The following SULT6B1 variants were observed in gnomAD, a reference collection of about 807,000 sequenced individuals.
SULT6B1 encodes the protein sulfotransferase family 6B member 1, also known as sulfotransferase 6B1.
In SULT6B1, 44 loss-of-function variants were observed where a neutral mutation model predicts 37.2. The observed-to-expected ratio is 1.18, with a 90% confidence interval of 0.93 to 1.52. The LOEUF (loss-of-function observed/expected upper bound fraction) is 1.52. Among genes scored for constraint, SULT6B1 ranks in the 40% most tolerant of loss-of-function variants. The pLI is 0.00. For missense variants in SULT6B1, 450 were observed against 361.0 expected (o/e 1.25, Z -2.00); for synonymous variants, 140 against 126.0 (o/e 1.11, Z -0.74).
intron 2 of SULT6B1, among the ~76,000 whole-genome samples, chr2:37,185,987 C>T (rs1676665558): frequency 6.6e-6 from 1 of 152,128 alleles, no homozygotes; most frequent in Non-Finnish European, 1.5e-5. Flanking sequence ...TCCTTTGTTG[C>T]CAACCAAATC....
intron 6 of SULT6B1, among the ~76,000 whole-genome samples, chr2:37,168,721 C>T (rs1332737899): frequency 6.6e-6 from 1 of 152,096 alleles, no homozygotes; most frequent in Admixed American, 6.5e-5. Context: ...AGCAAGTTTT[C>T]GTTAAGACCT....
intron 3 of SULT6B1, among the ~76,000 whole-genome samples, chr2:37,182,414 T>C (rs1162089927): frequency 6.6e-6 from 1 of 152,116 alleles, no homozygotes; most frequent in Non-Finnish European, 1.5e-5. Context: ...CTATCACACC[T>C]GGCTATTTTT....
At chr2:37,192,954 G>C (rs965715510), upstream of SULT6B1, among the ~76,000 whole-genome samples, 4 of 152,160 alleles carry the variant, frequency 2.6e-5, no homozygotes, top group Non-Finnish European at 4.4e-5. Flanking sequence ...TACCAGCCGT[G>C]AATAATTACA....
intron 5 of SULT6B1, among the ~76,000 whole-genome samples, chr2:37,171,893 A>C (rs1322503273): frequency 8.5e-5 from 13 of 152,178 alleles, no homozygotes; most frequent in Admixed American, 5.9e-4. Context: ...ATCTAGGATG[A>C]TATCATTGCA....
At chr2:37,169,259 G>T (rs1237074430) in intron 6 of SULT6B1, among the ~76,000 whole-genome samples, 2 of 152,132 alleles carry the variant, frequency 1.3e-5, no homozygotes, top group Admixed American at 6.5e-5. Flanking sequence ...GGTTAGTCAA[G>T]AATCTAACCA....
intron 2 of SULT6B1, among the ~76,000 whole-genome samples, chr2:37,184,215 C>T (rs931161017): frequency 3.3e-5 from 5 of 152,174 alleles, no homozygotes; most frequent in African/African-American, 1.2e-4. Flanking sequence ...AGTCTTTCCA[C>T]AGTTCCTGCG....
intron 1 of SULT6B1, among the ~76,000 whole-genome samples, chr2:37,187,710 G>A (rs953590718): frequency 8.5e-5 from 13 of 152,086 alleles, no homozygotes; most frequent in African/African-American, 2.9e-4. Context: ...AAGGGACAAT[G>A]CTTCATTTTG....
At chr2:37,182,503 A>AT (rs201080859) in intron 3 of SULT6B1, among the ~76,000 whole-genome samples, 3,733 of 152,224 alleles carry the variant, frequency 0.025, 71 homozygotes, top group Middle Eastern at 0.054. Flanking sequence ...CCAACCTAAT[A>AT]TTTTTTGTAG....
At chr2:37,189,071 T>TG (rs1463441078), upstream of SULT6B1, among the ~76,000 whole-genome samples, 1 of 152,102 alleles carries the variant, frequency 6.6e-6, no homozygotes, top group African/African-American at 2.4e-5. Context: ...AGCAATGGGA[T>TG]TGTGAGGTAA....
At chr2:37,168,164 T>A in intron 6 of SULT6B1, 99 bp from the exon 7 acceptor site, 1 of 1,203,692 alleles carries the variant, frequency 8.3e-7, no homozygotes, top group East Asian at 2.9e-5. Context: ...TATGTTAAAA[T>A]GGACACATGG....
Position 37,187,357 on chromosome 2 carries a change from G to C in SULT6B1, c.310C>G (p.Gln104Glu). 1 of 1,577,884 alleles carries C rather than the reference G, an allele frequency of 6.3e-7. No individual in the cohort carries two copies. The highest frequency in any genetic ancestry group is 8.7e-7 in the Non-Finnish European group (1 of 1,149,254). Reference sequence around the variant, plus strand: ...GGTTAAAGGCTGGTTGTACTAACCTGATATTTTTCTGAATCCCCACATTCA... The same window carrying C: ...GGTTAAAGGCTGGTTGTACTAACCTCATATTTTTCTGAATCCCCACATTCA... ...VLECGDSEKYQRMKGFPSPRI... is the reference protein window; with the variant it reads ...VLECGDSEKYERMKGFPSPRI... The change falls in exon 2 of 7, where the codon CAG (glutamine) becomes GAG (glutamate). Residue 104 changes from glutamine (Q) to glutamate (E), a missense_variant and splice_region_variant. Physicochemically the swap from Gln to Glu is conservative, Grantham distance 29. Transcript: ENST00000535679.
At chr2:37,169,022 C>G (rs1442783248) in intron 6 of SULT6B1, among the ~76,000 whole-genome samples, 3 of 152,062 alleles carry the variant, frequency 2.0e-5, no homozygotes, top group Non-Finnish European at 2.9e-5. Flanking sequence ...AGAAAATATG[C>G]CAGAAAGTTA....
At position 37,179,529 on chromosome 2, in the gene SULT6B1, T is replaced by C. The variant is rs377625092; in HGVS notation, c.458A>G (p.His153Arg). ...GCTTGGAATATCGGGGACATCGTTG[T>C]GGAAATGCAAAAAAGATACTGCTGT... ...KDTAVSFLHFHNDVPDIPSYG... is the reference protein window; with the variant it reads ...KDTAVSFLHFRNDVPDIPSYG... The change falls in exon 4 of 7, where the codon CAC becomes CGC. Residue 153 changes from histidine to arginine, a missense_variant. Coordinates refer to ENST00000535679, the MANE Select transcript of SULT6B1 (RefSeq NM_001367551.1). 4 of 1,613,862 alleles carry C rather than the reference T, an allele frequency of 2.5e-6. No individual in the cohort carries two copies. The highest frequency in any genetic ancestry group is 2.2e-5 in the South Asian group (2 of 91,064).
chr2:37,195,112 G>A (rs1285150617), intron 1 of SULT6B1, among the ~76,000 whole-genome samples: 2 of 152,016 alleles, frequency 1.3e-5, no homozygotes, highest in Non-Finnish European at 2.9e-5. Context: ...ACCTCACCCA[G>A]CTAATTTTCA....
intron 1 of SULT6B1, among the ~76,000 whole-genome samples, chr2:37,195,861 G>A (rs545098635): frequency 6.0e-5 from 9 of 150,752 alleles, no homozygotes; most frequent in Non-Finnish European, 1.2e-4. Flanking sequence ...TCACTCTGTC[G>A]CCCAGGCTGG....
chr2:37,179,699 A>G (rs999182244), intron 3 of SULT6B1, 115 bp from the exon 4 acceptor site: 43 of 922,436 alleles, frequency 4.7e-5, no homozygotes, highest in African/African-American at 1.2e-4. Context: ...GTGTTAATAT[A>G]TAGAGAAAGA....
chr2:37,186,668 G>A (rs539723942), intron 2 of SULT6B1, among the ~76,000 whole-genome samples: 1 of 151,950 alleles, frequency 6.6e-6, no homozygotes, highest in East Asian at 1.9e-4. Context: ...GAGGTGGGAG[G>A]ATCACTTGAG....
chr2:37,193,241 A>C (rs1676817581), upstream of SULT6B1, among the ~76,000 whole-genome samples: 1 of 148,504 alleles, frequency 6.7e-6, no homozygotes, highest in African/African-American at 2.5e-5. Context: ...GGATTGCTTG[A>C]GCTCAGGAGT....
intron 6 of SULT6B1, among the ~76,000 whole-genome samples, chr2:37,169,565 C>T (rs955574096): frequency 6.6e-5 from 10 of 152,190 alleles, no homozygotes; most frequent in African/African-American, 2.4e-4. Flanking sequence ...TCTTGGCTCA[C>T]TGCAACCTCC....
Sources: gnomAD v4.1 joint callset for allele counts (sites outside exome capture counted in the v4.1 genomes callset) on GRCh38, gnomAD v4.1.1 for gene constraint, MANE v1.5 for transcripts, NCBI Gene and HGNC (gene_info 2026-07-23, HGNC 2026-07-21) for gene names.